The following ZBTB16 variants were observed in gnomAD, a reference collection of about 807,000 sequenced individuals.
ZBTB16 encodes zinc finger and BTB domain-containing protein 16.
Under a neutral mutation model 56.8 loss-of-function variants are expected in ZBTB16, and 8 were observed. That is an observed-to-expected ratio of 0.14 (90% CI 0.08 to 0.25). ZBTB16 has a LOEUF of 0.25. Among genes scored for constraint, ZBTB16 ranks in the 10% least tolerant of loss-of-function variants. The pLI is 1.00. For synonymous variants in ZBTB16, 363 were observed against 368.5 expected (o/e 0.98, Z 0.17); for missense variants, 625 against 903.0 (o/e 0.69, Z 3.95).
rs1260361986 is a variant in ZBTB16, at chr11:114,063,594, C to T, written c.294C>T (p.Asp98=). The T allele has an allele frequency of 3.1e-6, 5 of 1,614,204 alleles. No individual in the cohort carries two copies. The African/African-American group carries it at 6.7e-5, about 22-fold the overall frequency. ...YTATLQAKAE[D]LDDLLYAAEI... is the part of the protein sequence containing the mutation. ...CCACGCTGCAAGCCAAGGCGGAGGA[C>T]CTGGATGACCTGCTGTATGCGGCCG... The change falls in exon 2 of 7, where the codon GAC becomes GAT. Residue 98 remains aspartate (D), a synonymous_variant. Coordinates refer to ENST00000335953, the MANE Select transcript of ZBTB16 (RefSeq NM_006006.6). This position sits in a 1 kb window ranked among gnomAD's most constrained non-coding sequence, Gnocchi z 6.5.
At chr11:114,208,775 G>A (rs1943939726) in intron 4 of ZBTB16, among the ~76,000 whole-genome samples, 1 of 152,312 alleles carries the variant, frequency 6.6e-6, no homozygotes, top group East Asian at 1.9e-4. Context: ...TGTTTGGAAT[G>A]ATAGAGAAAA....
At chr11:114,145,741 G>A (rs1263852919) in intron 2 of ZBTB16, among the ~76,000 whole-genome samples, 1 of 152,170 alleles carries the variant, frequency 6.6e-6, no homozygotes, top group Non-Finnish European at 1.5e-5. Context: ...ACAGTTCTAT[G>A]AATATGCTAC....
At chr11:114,102,038 G>A (rs1394400286) in intron 2 of ZBTB16, among the ~76,000 whole-genome samples, 1 of 152,182 alleles carries the variant, frequency 6.6e-6, no homozygotes, top group Non-Finnish European at 1.5e-5. Context: ...CCTGCAATGA[G>A]GACCTCTTTC....
chr11:114,148,844 G>A (rs973149313), intron 2 of ZBTB16, among the ~76,000 whole-genome samples: 2 of 148,416 alleles, frequency 1.3e-5, no homozygotes, highest in Non-Finnish European at 3.0e-5. Context: ...TTGGACAGTA[G>A]GGGCAACTGT....
chr11:114,240,997 C>T (rs145747881), intron 4 of ZBTB16, among the ~76,000 whole-genome samples: 107 of 152,280 alleles, frequency 7.0e-4, no homozygotes, highest in Middle Eastern at 3.4e-3. Flanking sequence ...GTCTGATCCT[C>T]CCACCGGCCA....
At chr11:114,133,983 C>T (rs996240041) in intron 2 of ZBTB16, among the ~76,000 whole-genome samples, 1 of 152,178 alleles carries the variant, frequency 6.6e-6, no homozygotes, top group Non-Finnish European at 1.5e-5. Context: ...TTTACCAGTA[C>T]CCAAAAAGCC....
chr11:114,077,113 A>T (rs1939597508), intron 2 of ZBTB16, among the ~76,000 whole-genome samples: 2 of 152,134 alleles, frequency 1.3e-5, no homozygotes, highest in African/African-American at 2.4e-5. Flanking sequence ...TTGTGTGTTG[A>T]GATGAAGGGT....
intron 2 of ZBTB16, among the ~76,000 whole-genome samples, chr11:114,075,499 C>A (rs967804131): frequency 6.6e-6 from 1 of 151,708 alleles, no homozygotes; most frequent in Non-Finnish European, 1.5e-5. Context: ...CTTTGTTGCC[C>A]AGGCTTGAGT....
intron 4 of ZBTB16, among the ~76,000 whole-genome samples, chr11:114,218,827 G>A (rs1466886629): frequency 6.6e-6 from 1 of 152,212 alleles, no homozygotes; most frequent in Non-Finnish European, 1.5e-5. Flanking sequence ...GAGAAAAGCA[G>A]TAAATTCAAT....
chr11:114,083,070 C>T (rs926045068), intron 2 of ZBTB16, among the ~76,000 whole-genome samples: 3 of 152,330 alleles, frequency 2.0e-5, no homozygotes, highest in African/African-American at 4.8e-5. Flanking sequence ...AACGGAGGAG[C>T]GGGCCGGCCT....
At chr11:114,085,926 C>G in intron 2 of ZBTB16, among the ~76,000 whole-genome samples, 1 of 152,164 alleles carries the variant, frequency 6.6e-6, no homozygotes, top group East Asian at 1.9e-4. Context: ...TATTGGAAGA[C>G]AAAACTGGGG....
In ZBTB16 at chr11:114,063,255, A is replaced by G. The variant is rs1428604909; in HGVS notation, c.-46A>G. On this transcript the variant is annotated 5_prime_UTR_variant, in exon 2 of 7. Transcript: ENST00000335953. The surrounding 1 kb of genome is among the most constrained non-coding windows in gnomAD (Gnocchi z 6.5). ...AAGCCCACCCAGCCCCGCCACGCAGAGCCCAGAAGGAAAGAAAGCCTCATG... is the reference window on the plus strand; with the variant it reads ...AAGCCCACCCAGCCCCGCCACGCAGGGCCCAGAAGGAAAGAAAGCCTCATG... 1 of 1,607,756 alleles carries G rather than the reference A, an allele frequency of 6.2e-7. No homozygotes were observed. The highest frequency in any genetic ancestry group is 1.7e-5 in the Admixed American group (1 of 59,576).
At chr11:114,170,364 C>T (rs1258895420) in intron 3 of ZBTB16, among the ~76,000 whole-genome samples, 1 of 152,224 alleles carries the variant, frequency 6.6e-6, no homozygotes, top group East Asian at 1.9e-4. Context: ...TGCCCCAGCC[C>T]ACCTCCTCGG....
At chr11:114,130,180 CA>C (rs1206547808) in intron 2 of ZBTB16, among the ~76,000 whole-genome samples, 2 of 152,154 alleles carry the variant, frequency 1.3e-5, no homozygotes, top group Non-Finnish European at 2.9e-5. Context: ...GGGTAAACAG[CA>C]AATGTCCCAA....
chr11:114,109,771 T>G (rs1940937127), intron 2 of ZBTB16, among the ~76,000 whole-genome samples: 1 of 152,132 alleles, frequency 6.6e-6, no homozygotes, highest in South Asian at 2.1e-4. Flanking sequence ...GACAGAAAAC[T>G]GGCTTCATGG....
At chr11:114,113,591 G>A (rs1445673419) in intron 2 of ZBTB16, among the ~76,000 whole-genome samples, 1 of 152,210 alleles carries the variant, frequency 6.6e-6, no homozygotes, top group Non-Finnish European at 1.5e-5. Context: ...GCACTGTAGG[G>A]CAAGTAGGAG....
chr11:114,200,934 T>C (rs1826963570), intron 4 of ZBTB16, among the ~76,000 whole-genome samples: 1 of 152,182 alleles, frequency 6.6e-6, no homozygotes, highest in African/African-American at 2.4e-5. Flanking sequence ...TTCTAGGATG[T>C]TGGTAGCATT....
In ZBTB16 at chr11:114,238,448, C is replaced by A. The variant is rs111306840; in HGVS notation, c.1454-3719C>A. ...ATGTTCAGGTTCTGGTGAGGGTCCT[C>A]CTCCTGGTTGCAGACTGCTGATTTC... On this transcript the variant is annotated intron_variant, in intron 4 of 6. Coordinates refer to ENST00000335953, the MANE Select transcript of ZBTB16 (RefSeq NM_006006.6). 5.8e-3 allele frequency among the ~76,000 whole-genome samples: 880 copies of A among 151,978 alleles called. 10 individuals are homozygous for A. The highest frequency in any genetic ancestry group is 0.02 in the African/African-American group (843 of 41,400).
chr11:114,106,539 CA>C (rs1190743240), intron 2 of ZBTB16, among the ~76,000 whole-genome samples: 5 of 150,708 alleles, frequency 3.3e-5, no homozygotes, highest in African/African-American at 1.2e-4. Context: ...GGCACGATCT[CA>C]GCTCACTGCA....
Sources: gnomAD v4.1 joint callset for allele counts (sites outside exome capture counted in the v4.1 genomes callset) on GRCh38, gnomAD v4.1.1 for gene constraint, Gnocchi (gnomAD v3.1) non-coding constraint, MANE v1.5 for transcripts, NCBI Gene and HGNC (gene_info 2026-07-23, HGNC 2026-07-21) for gene names.